The following C1orf21 variants were observed in gnomAD, a reference collection of about 807,000 sequenced individuals.
C1orf21 encodes the protein uncharacterized protein C1orf21.
A neutral mutation model predicts 18.7 loss-of-function variants in C1orf21; 3 were observed. The observed-to-expected ratio is 0.16, with a 90% CI of 0.07 to 0.42. C1orf21 has a LOEUF of 0.42. Among genes scored for constraint, C1orf21 ranks in the 10% least tolerant of loss-of-function variants. The probability of loss-of-function intolerance (pLI) is 0.99; values close to 1 mark genes in which losing one functional copy is unlikely to be tolerated. For missense variants in C1orf21, 104 were observed against 143.6 expected (o/e 0.72, Z 1.41); for synonymous variants, 41 against 46.4 (o/e 0.88, Z 0.47).
intron 2 of C1orf21, among the ~76,000 whole-genome samples, chr1:184,486,897 C>T (rs922602149): frequency 2.0e-5 from 3 of 152,146 alleles, no homozygotes; most frequent in African/African-American, 7.2e-5. Context: ...CCTCCAAGTC[C>T]CTTTGGTTTT....
intron 1 of C1orf21, among the ~76,000 whole-genome samples, chr1:184,415,285 A>C (rs1226653538): frequency 6.6e-6 from 1 of 152,226 alleles, no homozygotes; most frequent in African/African-American, 2.4e-5. Context: ...GACAGTAAAA[A>C]ATCACTTAGC....
chr1:184,553,674 G>A (rs1380494815), intron 3 of C1orf21, among the ~76,000 whole-genome samples: 1 of 152,186 alleles, frequency 6.6e-6, no homozygotes, highest in African/African-American at 2.4e-5. Context: ...CAAAGATCCA[G>A]GAGCAGCTTA....
chr1:184,519,709 T>C (rs1353953058), intron 3 of C1orf21, among the ~76,000 whole-genome samples: 1 of 152,208 alleles, frequency 6.6e-6, no homozygotes, highest in Non-Finnish European at 1.5e-5. Context: ...CACTCATCTA[T>C]TGGCAAACTC....
chr1:184,439,070 G>T (rs949673365), intron 1 of C1orf21, among the ~76,000 whole-genome samples: 3 of 152,016 alleles, frequency 2.0e-5, no homozygotes, highest in African/African-American at 7.2e-5. Flanking sequence ...AACTGGCCAG[G>T]CGTGGTGGTG....
chr1:184,390,704 CT>C (rs200285687), intron 1 of C1orf21, among the ~76,000 whole-genome samples: 6 of 151,500 alleles, frequency 4.0e-5, no homozygotes, highest in Admixed American at 1.3e-4. Flanking sequence ...CTCAGATGAC[CT>C]TTTTTTTTCC....
intron 1 of C1orf21, among the ~76,000 whole-genome samples, chr1:184,393,013 G>T (rs1178766573): frequency 6.6e-6 from 1 of 151,626 alleles, no homozygotes; most frequent in African/African-American, 2.4e-5. Context: ...TTTTTTTCTA[G>T]AGATGAGGTC....
chr1:184,616,644 C>A (rs116340455), intron 5 of C1orf21, among the ~76,000 whole-genome samples: 1,791 of 152,178 alleles, frequency 0.012, 30 homozygotes, highest in African/African-American at 0.04. Flanking sequence ...ATGAGAACAC[C>A]ACCTTTCATG....
intron 1 of C1orf21, among the ~76,000 whole-genome samples, chr1:184,404,570 G>A (rs554470854): frequency 6.6e-6 from 1 of 152,134 alleles, no homozygotes; most frequent in Admixed American, 6.5e-5. Flanking sequence ...TGAGAGTAGA[G>A]CCTTAATGGT....
intron 3 of C1orf21, 82 bp downstream of exon 3, chr1:184,507,764 C>A: frequency 9.4e-7 from 1 of 1,062,344 alleles, no homozygotes; most frequent in Non-Finnish European, 1.3e-6. Context: ...TTAACTGCAA[C>A]TTACACACTG....
rs1655898166 is a variant in C1orf21, at chr1:184,387,082, G to T, written c.-411G>T. On this transcript the variant is annotated 5_prime_UTR_variant, in exon 1 of 6. Transcript: ENST00000235307. This position sits in a 1 kb window ranked among gnomAD's most constrained non-coding sequence, Gnocchi z 5.6. ...GCCCACTCCCGGGGGGACGTTCCGT[G>T]CCGCGGCCGCCGCGGCCGCTGCTTC... 6.6e-6 allele frequency: 1 copy of T among 151,490 alleles called. No individual in the cohort carries two copies. Among genetic ancestry groups the T allele is most frequent in the Non-Finnish European group, 1.5e-5 (1 of 67,800 alleles). 9.4% of individuals were successfully genotyped at this position (151,490 alleles called of 1,614,324 possible). A position where few individuals can be genotyped will look rare whatever the true frequency, so the allele number is the denominator to read the frequency against.
At chr1:184,402,560 G>T (rs1656173483) in intron 1 of C1orf21, among the ~76,000 whole-genome samples, 1 of 150,038 alleles carries the variant, frequency 6.7e-6, no homozygotes, top group African/African-American at 2.5e-5. Flanking sequence ...GGAATTCAAG[G>T]TTACAGTGAT....
intron 1 of C1orf21, among the ~76,000 whole-genome samples, chr1:184,435,020 T>A (rs769535387): frequency 6.6e-6 from 1 of 152,212 alleles, no homozygotes; most frequent in Admixed American, 6.5e-5. Flanking sequence ...GAGAGATAGA[T>A]AATGGCTTGG....
chr1:184,388,509 T>G (rs771528615), intron 1 of C1orf21, among the ~76,000 whole-genome samples: 2 of 152,156 alleles, frequency 1.3e-5, no homozygotes, highest in Non-Finnish European at 2.9e-5. Flanking sequence ...CTGAAGCAAT[T>G]CTGAAAGTGA....
intron 1 of C1orf21, among the ~76,000 whole-genome samples, chr1:184,414,234 G>A (rs1656410617): frequency 6.6e-6 from 1 of 152,082 alleles, no homozygotes; most frequent in African/African-American, 2.4e-5. Flanking sequence ...AGGCTCAAGC[G>A]ATCCTCCCTC....
chr1:184,623,230 G>C lies in C1orf21; in HGVS notation c.*3674G>C, dbSNP rs569767924. ...TTAAACATGTTGAGTTTTAAAGGAA[G>C]AAATATTTTCAAATTCTTAATCCAA... On this transcript the variant is annotated 3_prime_UTR_variant, in exon 6 of 6. Coordinates refer to ENST00000235307, the MANE Select transcript of C1orf21 (RefSeq NM_030806.4). 1.3e-5 allele frequency: 2 copies of C among 152,304 alleles called. No individual in the cohort carries two copies. The highest frequency in any genetic ancestry group is 4.8e-5 in the African/African-American group (2 of 41,576). 9.4% of individuals were successfully genotyped at this position (152,304 alleles called of 1,614,324 possible).
chr1:184,594,805 C>T (rs2102000853), intron 4 of C1orf21, among the ~76,000 whole-genome samples: 1 of 152,314 alleles, frequency 6.6e-6, no homozygotes, highest in African/African-American at 2.4e-5. Flanking sequence ...CCAGGCTTCA[C>T]AGGTGAGGTA....
chr1:184,570,147 A>G (rs1659089047), intron 3 of C1orf21, among the ~76,000 whole-genome samples: 3 of 152,306 alleles, frequency 2.0e-5, no homozygotes, highest in Admixed American at 1.3e-4. Flanking sequence ...ATTTAAATAT[A>G]TATTTTTCAG....
At chr1:184,410,862 G>A (rs1405440479) in intron 1 of C1orf21, among the ~76,000 whole-genome samples, 1 of 148,436 alleles carries the variant, frequency 6.7e-6, no homozygotes, top group East Asian at 2.0e-4. Flanking sequence ...ACGTTGTCCA[G>A]GCTGGTCTCG....
intron 1 of C1orf21, among the ~76,000 whole-genome samples, chr1:184,451,686 C>G (rs759697687): frequency 6.6e-6 from 1 of 152,132 alleles, no homozygotes; most frequent in East Asian, 1.9e-4. Flanking sequence ...CACACAGACA[C>G]GTTTCTCTAA....
Sources: gnomAD v4.1 joint callset for allele counts (sites outside exome capture counted in the v4.1 genomes callset) on GRCh38, gnomAD v4.1.1 for gene constraint, Gnocchi (gnomAD v3.1) non-coding constraint, MANE v1.5 for transcripts, NCBI Gene and HGNC (gene_info 2026-07-23, HGNC 2026-07-21) for gene names.